Variants in TTC9 observed in about 807,000 individuals in gnomAD.
TTC9 encodes tetratricopeptide repeat domain 9, also known as tetratricopeptide repeat protein 9A.
Under a neutral mutation model 22.9 loss-of-function variants are expected in TTC9, and 13 were observed. The ratio of observed to expected loss-of-function variants is 0.57; its 90% confidence interval spans 0.37 to 0.90. TTC9 has a LOEUF of 0.90. Among genes scored for constraint, TTC9 ranks in the 40% least tolerant of loss-of-function variants. The probability of loss-of-function intolerance (pLI) is 0.01; values close to 1 mark genes in which losing one functional copy is unlikely to be tolerated. For synonymous variants in TTC9, 148 were observed against 133.2 expected (o/e 1.11, Z -0.77); for missense variants, 280 against 291.8 (o/e 0.96, Z 0.29).
At chr14:70,656,344 C>T (rs766231399) in intron 1 of TTC9, among the ~76,000 whole-genome samples, 4 of 152,074 alleles carry the variant, frequency 2.6e-5, no homozygotes, top group Non-Finnish European at 5.9e-5. Flanking sequence ...TTCACCGTTC[C>T]ACAGCATGAT....
chr14:70,646,264 C>G (rs1443299003), intron 1 of TTC9, among the ~76,000 whole-genome samples: 1 of 152,140 alleles, frequency 6.6e-6, no homozygotes, highest in African/African-American at 2.4e-5. Context: ...TTGAATGATC[C>G]TGATACAATG....
At chr14:70,659,122 A>ACACACACGCGCG (rs758862304) in intron 1 of TTC9, among the ~76,000 whole-genome samples, 17 of 43,118 alleles carry the variant, frequency 3.9e-4, no homozygotes, top group East Asian at 1.4e-3. Context: ...ATAACTAAAC[A>ACACACACGCGCG]CACACACACG....
chr14:70,649,776 G>A (rs191431685), intron 1 of TTC9, among the ~76,000 whole-genome samples: 1 of 152,214 alleles, frequency 6.6e-6, no homozygotes, highest in East Asian at 1.9e-4. Context: ...CCATCTTCCA[G>A]TCTTTCCTTC....
intron 1 of TTC9, among the ~76,000 whole-genome samples, chr14:70,664,728 A>T (rs1279254710): frequency 2.3e-4 from 1 of 4,296 alleles, no homozygotes; most frequent in Non-Finnish European, 6.5e-4. Context: ...GACTCCATTT[A>T]AAAAAAAAAA....
chr14:70,661,791 C>T (rs1886148014), intron 1 of TTC9, among the ~76,000 whole-genome samples: 1 of 152,162 alleles, frequency 6.6e-6, no homozygotes, highest in Non-Finnish European at 1.5e-5. Flanking sequence ...AAACACGACC[C>T]CTCTGTGGGC....
Position 70,642,265 on chromosome 14 carries a change from G to A in TTC9, c.136G>A (p.Ala46Thr). Residue 46 changes from alanine to threonine, a missense_variant, in exon 1 of 3, where the codon GCG becomes ACG. Transcript: ENST00000256367. ...GGAPARGQVG[A>T]AAEPAELIRR... Reference sequence around the variant, plus strand: ...AGCCCCAGCGAGGGGCCAGGTCGGGGCGGCGGCCGAGCCGGCCGAGCTCAT... The same window carrying A: ...AGCCCCAGCGAGGGGCCAGGTCGGGACGGCGGCCGAGCCGGCCGAGCTCAT... 1.3e-6 allele frequency: 2 copies of A among 1,497,970 alleles called. No homozygotes were observed. The highest frequency in any genetic ancestry group is 1.8e-6 in the Non-Finnish European group (2 of 1,124,404). 92.8% of individuals were successfully genotyped at this position (1,497,970 alleles called of 1,614,324 possible). A position where few individuals can be genotyped will look rare whatever the true frequency, so the allele number is the denominator to read the frequency against.
At chr14:70,656,244 CACATTT>C (rs1201118051) in intron 1 of TTC9, among the ~76,000 whole-genome samples, 4 of 145,356 alleles carry the variant, frequency 2.8e-5, no homozygotes, top group South Asian at 4.3e-4. Flanking sequence ...CACACACACA[CACATTT>C]ATTTTTCACA....
At chr14:70,667,102 T>C (rs1024573618) in intron 1 of TTC9, among the ~76,000 whole-genome samples, 6 of 152,250 alleles carry the variant, frequency 3.9e-5, no homozygotes, top group Admixed American at 3.9e-4. Flanking sequence ...CCTTGGCTTA[T>C]GGATGGCTCT....
chr14:70,657,736 C>T (rs755569101), intron 1 of TTC9, among the ~76,000 whole-genome samples: 1 of 152,070 alleles, frequency 6.6e-6, no homozygotes, highest in African/African-American at 2.4e-5. Context: ...GAGGCCGAGG[C>T]GGGCAGATCA....
intron 1 of TTC9, among the ~76,000 whole-genome samples, chr14:70,645,654 T>C (rs970894623): frequency 2.6e-5 from 4 of 152,208 alleles, no homozygotes; most frequent in Non-Finnish European, 5.9e-5. Flanking sequence ...TTCCCCTGTG[T>C]GCCTGCTAAA....
intron 1 of TTC9, among the ~76,000 whole-genome samples, chr14:70,656,642 T>C (rs1450643196): frequency 6.6e-6 from 1 of 152,194 alleles, no homozygotes; most frequent in Non-Finnish European, 1.5e-5. Context: ...GAGAACAGGA[T>C]AGAACTCTGG....
At chr14:70,669,523 C>T (rs1886262373) in intron 2 of TTC9, among the ~76,000 whole-genome samples, 1 of 151,116 alleles carries the variant, frequency 6.6e-6, no homozygotes, top group Non-Finnish European at 1.5e-5. Flanking sequence ...TCAAGCAATC[C>T]TTCTGCCTCG....
At chr14:70,653,338 G>T (rs1886012830) in intron 1 of TTC9, among the ~76,000 whole-genome samples, 1 of 152,220 alleles carries the variant, frequency 6.6e-6, no homozygotes, top group Non-Finnish European at 1.5e-5. Context: ...CAAAACAGGG[G>T]CCAGGGGAAA....
intron 1 of TTC9, among the ~76,000 whole-genome samples, chr14:70,651,389 A>G (rs1247109150): frequency 1.4e-5 from 2 of 143,352 alleles, no homozygotes; most frequent in African/African-American, 6.0e-5. Flanking sequence ...TAGAGAAATT[A>G]TGAGTAATTT....
chr14:70,646,766 T>C (rs1374894861), intron 1 of TTC9, among the ~76,000 whole-genome samples: 1 of 152,198 alleles, frequency 6.6e-6, no homozygotes, highest in Non-Finnish European at 1.5e-5. Flanking sequence ...TTGATCCCAA[T>C]TGAAGCCTTG....
intron 1 of TTC9, among the ~76,000 whole-genome samples, chr14:70,650,422 C>CAA (rs5809492): frequency 0.01 from 1,472 of 145,518 alleles, 16 homozygotes; most frequent in East Asian, 0.021. Context: ...GACACCATCT[C>CAA]AAAAAAAAAA....
intron 1 of TTC9, among the ~76,000 whole-genome samples, chr14:70,644,597 C>T (rs1223719392): frequency 6.6e-6 from 1 of 152,178 alleles, no homozygotes; most frequent in African/African-American, 2.4e-5. Flanking sequence ...GCCTCTGTCT[C>T]ACTTGAGCCC....
chr14:70,653,350 A>T (rs1886012984), intron 1 of TTC9, among the ~76,000 whole-genome samples: 1 of 152,242 alleles, frequency 6.6e-6, no homozygotes, highest in Non-Finnish European at 1.5e-5. Flanking sequence ...CAGGGGAAAG[A>T]GTGCCATCTC....
intron 1 of TTC9, among the ~76,000 whole-genome samples, chr14:70,653,612 C>A (rs1003670921): frequency 6.6e-6 from 1 of 152,176 alleles, no homozygotes; most frequent in African/African-American, 2.4e-5. Context: ...GTTCTAGGCA[C>A]ACATCATCTC....
Sources: gnomAD v4.1 joint callset for allele counts (sites outside exome capture counted in the v4.1 genomes callset) on GRCh38, gnomAD v4.1.1 for gene constraint, MANE v1.5 for transcripts, NCBI Gene and HGNC (gene_info 2026-07-23, HGNC 2026-07-21) for gene names.